The following CCDC88B variants were observed in gnomAD, a reference collection of about 807,000 sequenced individuals.
CCDC88B encodes coiled-coil domain-containing protein 88B.
In CCDC88B, 138 loss-of-function variants were observed where a neutral mutation model predicts 183.7. That is an observed-to-expected ratio of 0.75 (90% confidence interval 0.65 to 0.87). CCDC88B has a LOEUF of 0.87. Ranked by LOEUF, CCDC88B falls within the 40% of genes least tolerant of loss-of-function variation. The pLI is 0.00. For synonymous variants in CCDC88B, 835 were observed against 867.5 expected (o/e 0.96, Z 0.66); for missense variants, 1,822 against 1,965.6 (o/e 0.93, Z 1.38).
rs371669967 is a variant in CCDC88B at position 64,345,132 on chromosome 11, G to A, written c.2591G>A (p.Arg864His). 3.9e-5 allele frequency: 60 copies of A among 1,546,310 alleles called. No homozygotes were observed. In the African/African-American group the frequency reaches 4.7e-4, roughly 12 times the overall value. ...CACTTGGAGGAGGCTGAGAGGGAGCGCCGGGAGAAGGAGGCCCTCCAGGCG... is the reference window on the plus strand; with the variant it reads ...CACTTGGAGGAGGCTGAGAGGGAGCACCGGGAGAAGGAGGCCCTCCAGGCG... ...RQHLEEAERERREKEALQAEL... is the reference protein window; with the variant it reads ...RQHLEEAEREHREKEALQAEL... Residue 864 changes from arginine to histidine, a missense_variant, in exon 14 of 27, where the codon CGC becomes CAC. By Grantham distance (29) the Arg-to-His change is conservative (BLOSUM62 0). Coordinates refer to ENST00000356786, the MANE Select transcript of CCDC88B (RefSeq NM_032251.6).
chr11:64,351,725 C>A, intron 18 of CCDC88B, 109 bp downstream of exon 18: 2 of 1,328,350 alleles, frequency 1.5e-6, no homozygotes, highest in South Asian at 1.5e-5. Context: ...GCTGCCCCAC[C>A]TCTTCCCCAG....
At chr11:64,349,905 A>G (rs2036264288) in intron 16 of CCDC88B, 1 of 575,434 alleles carries the variant, frequency 1.7e-6, no homozygotes, top group Non-Finnish European at 3.1e-6. Flanking sequence ...TCTGCTGTGG[A>G]TGACTGCTCC....
rs748561792 is a variant in CCDC88B at position 64,353,136 on chromosome 11, C to T, written c.3583C>T (p.Arg1195Trp). 1.8e-5 allele frequency: 28 copies of T among 1,599,482 alleles called. No individual in the cohort carries two copies. The highest frequency in any genetic ancestry group is 2.3e-5 in the East Asian group (1 of 44,192). Reference sequence around the variant, plus strand: ...CGGGGAGCTACGGGGCCGGCTGGCGCGGCTGGAGCTGGAGCGGGCACAGCT... The same window carrying T: ...CGGGGAGCTACGGGGCCGGCTGGCGTGGCTGGAGCTGGAGCGGGCACAGCT... ...ERGELRGRLA[R>W]LELERAQLEM... The change falls in exon 21 of 27, where the codon CGG becomes TGG. Residue 1195 changes from arginine (R) to tryptophan (W), a missense_variant. By Grantham distance (101) the Arg-to-Trp change is moderately radical. Transcript: ENST00000356786.
chr11:64,356,993 G>A, intron 26 of CCDC88B, 46 bp from the exon 27 acceptor site: 2 of 1,524,728 alleles, frequency 1.3e-6, no homozygotes, highest in South Asian at 1.3e-5. Flanking sequence ...GGGACTCTGG[G>A]AGTCCTCCTG....
chr11:64,352,391 G>T lies in CCDC88B; in HGVS notation c.3356+5G>T. The T allele has an allele frequency of 6.6e-7, 1 of 1,526,102 alleles. No individual in the cohort carries two copies. The allele number at this position is 1,526,102 out of a possible 1,614,324, so 94.5% of individuals were successfully genotyped here. A position where few individuals can be genotyped will look rare whatever the true frequency, so the allele number is the denominator to read the frequency against. ...CCACCGGGAGCTGCAGGGCCGGTGA[G>T]CATCACCAAATGCCCAGCTCCTCCC... On this transcript the variant is annotated splice_donor_5th_base_variant and intron_variant, in intron 19 of 26. Coordinates refer to ENST00000356786, the MANE Select transcript of CCDC88B (RefSeq NM_032251.6).
chr11:64,349,690 G>C (rs1303760256), intron 16 of CCDC88B, 22 bp downstream of exon 16: 1 of 1,564,852 alleles, frequency 6.4e-7, no homozygotes, highest in Admixed American at 1.9e-5. Flanking sequence ...CCGCCTGGGA[G>C]CTGGGGGCCA....
chr11:64,355,452 C>T, intron 25 of CCDC88B, 52 bp downstream of exon 25: 1 of 1,582,482 alleles, frequency 6.3e-7, no homozygotes, highest in Non-Finnish European at 8.6e-7. Context: ...TTTGTGGACC[C>T]ACCAGCTCCT....
chr11:64,354,108 C>A lies in CCDC88B; in HGVS notation c.4037C>A (p.Thr1346Asn). Residue 1346 changes from threonine (T) to asparagine (N), a missense_variant, in exon 24 of 27, where the codon ACC becomes AAC. Transcript: ENST00000356786. ...LRLGADGAGS[T>N]ESLGGPPETE... ...CTGGGGGCCGATGGGGCTGGCAGCA[C>A]CGAGAGCCTGGGGGGCCCCCCGGAG... The A allele has an allele frequency of 1.4e-6, 2 of 1,386,988 alleles. No individual in the cohort carries two copies. The highest frequency in any genetic ancestry group is 1.9e-6 in the Non-Finnish European group (2 of 1,063,932). The allele number at this position is 1,386,988 out of a possible 1,614,324, so 85.9% of individuals were successfully genotyped here.
intron 16 of CCDC88B, 138 bp downstream of exon 16, chr11:64,349,806 C>T: frequency 1.2e-6 from 1 of 808,572 alleles, no homozygotes; most frequent in Non-Finnish European, 2.0e-6. Flanking sequence ...CATGTGGGGC[C>T]TGTTGGAGAG....
In CCDC88B at chr11:64,352,022, T is replaced by G. The variant is rs962364677; in HGVS notation, c.3100-108T>G. 70 of 1,441,120 alleles carry G rather than the reference T, an allele frequency of 4.9e-5. No individual in the cohort carries two copies. The African/African-American group carries it at 7.3e-4, about 15-fold the overall frequency. 89.3% of individuals were successfully genotyped at this position (1,441,120 alleles called of 1,614,324 possible). ...CCCAGCCCTTTGCCTCCTCCACAAC[T>G]CTCTCATTGTCTTGGGCCCTACCGT... On this transcript the variant is annotated intron_variant, in intron 18 of 26. Coordinates refer to ENST00000356786, the MANE Select transcript of CCDC88B (RefSeq NM_032251.6).
chr11:64,353,069 G>T lies in CCDC88B; in HGVS notation c.3516G>T (p.Leu1172=), dbSNP rs769069741. Residue 1172 remains leucine (L), a synonymous_variant, in exon 21 of 27, where the codon CTG becomes CTT. Transcript: ENST00000356786. ...QSEHDRAQML[L]AELSRERGEL... is the part of the protein sequence containing the mutation. ...GCCTCCCAAGGGCTCAGATGCTGCT[G>T]GCAGAGTTGTCTCGGGAGCGGGGTG... 1 of 1,604,168 alleles carries T rather than the reference G, an allele frequency of 6.2e-7. No individual in the cohort carries two copies. The highest frequency in any genetic ancestry group is 8.5e-7 in the Non-Finnish European group (1 of 1,176,012).
Position 64,357,365 on chromosome 11 carries a change from TCTGGGGGATCCCCCAGCTGAAGGAGG to T in CCDC88B, c.*276_*301del. ...GGTGGCTCCCGCTGAGGCAGCGGTC[TCTGGGGGATCCCCCAGCTGAAGGAGG>T]CTGGCAGGAGTTGGCAAGAGAACCC... On this transcript the variant is annotated 3_prime_UTR_variant, in exon 27 of 27. Coordinates refer to ENST00000356786, the MANE Select transcript of CCDC88B (RefSeq NM_032251.6). 1 of 717,656 alleles carries T rather than the reference TCTGGGGGATCCCCCAGCTGAAGGAGG, an allele frequency of 1.4e-6. No individual in the cohort carries two copies. Among genetic ancestry groups the T allele is most frequent in the Non-Finnish European group, 2.6e-6 (1 of 385,206 alleles). The allele number at this position is 717,656 out of a possible 1,614,324, so 44.5% of individuals were successfully genotyped here.
chr11:64,340,217 T>C lies in CCDC88B; in HGVS notation c.-50T>C. The C allele has an allele frequency of 8.4e-7, 1 of 1,185,640 alleles. No homozygotes were observed. Among genetic ancestry groups the C allele is most frequent in the Non-Finnish European group, 1.1e-6 (1 of 922,774 alleles). 73.4% of individuals were successfully genotyped at this position (1,185,640 alleles called of 1,614,324 possible). ...CCCCCACTCGGGGACTTCCTCTTCCTCTCAGGGCAGGTGCAGCTGCCACAG... is the reference window on the plus strand; with the variant it reads ...CCCCCACTCGGGGACTTCCTCTTCCCCTCAGGGCAGGTGCAGCTGCCACAG... On this transcript the variant is annotated 5_prime_UTR_variant, in exon 1 of 27. Coordinates refer to ENST00000356786, the MANE Select transcript of CCDC88B (RefSeq NM_032251.6).
rs1308620837 is a variant in CCDC88B, at chr11:64,344,556, T to G, written c.2015T>G (p.Leu672Arg). The G allele has an allele frequency of 6.2e-7, 1 of 1,605,298 alleles. No homozygotes were observed. ...EQEGPNQGLD[L>R]ATGQAEAREH... ...GAGGGCCCAAACCAGGGCCTGGACC[T>G]GGCCACGGGACAAGCAGAGGCCAGA... Residue 672 changes from leucine to arginine, a missense_variant, in exon 14 of 27, where the codon CTG becomes CGG. Leu to Arg is a moderately radical substitution (Grantham distance 102). Transcript: ENST00000356786. This position sits in a 1 kb window ranked among gnomAD's most constrained non-coding sequence, Gnocchi z 4.5.
intron 14 of CCDC88B, chr11:64,349,115 C>G (rs2135310083): frequency 1.4e-6 from 1 of 722,504 alleles, no homozygotes; most frequent in East Asian, 2.7e-5. Flanking sequence ...TTCCTCATGC[C>G]CTGCCAGGCT....
At position 64,353,507 on chromosome 11, in the gene CCDC88B, C is replaced by A. The variant is rs375807715; in HGVS notation, c.3833+11C>A. 13 of 1,608,294 alleles carry A rather than the reference C, an allele frequency of 8.1e-6. No individual in the cohort carries two copies. The highest frequency in any genetic ancestry group is 1.1e-5 in the South Asian group (1 of 90,796). On this transcript the variant is annotated intron_variant, in intron 22 of 26. Coordinates refer to ENST00000356786, the MANE Select transcript of CCDC88B (RefSeq NM_032251.6). The stretch of plus-strand genomic sequence containing the variant: ...ACAGCGGGAGTACCTGTGAGTGGGC[C>A]GCCTGGGAGCGGGGTGGGGCCTGCA...
intron 26 of CCDC88B, 199 bp from the exon 27 acceptor site, chr11:64,356,838 GGA>G (rs2036560999): frequency 5.5e-6 from 3 of 547,306 alleles, no homozygotes; most frequent in Non-Finnish European, 9.8e-6. Flanking sequence ...GACTTGGAGG[GGA>G]GAGTTTGTCG....
intron 16 of CCDC88B, chr11:64,349,994 C>G (rs1480479086): frequency 8.4e-6 from 3 of 356,032 alleles, no homozygotes; most frequent in East Asian, 1.1e-4. Flanking sequence ...GTTTCTGATA[C>G]CCAGGCTGTG....
At chr11:64,346,851 G>C (rs1378754066) in intron 14 of CCDC88B, among the ~76,000 whole-genome samples, 1 of 151,568 alleles carries the variant, frequency 6.6e-6, no homozygotes, top group Admixed American at 6.6e-5. Flanking sequence ...CACCAGGCTG[G>C]AGGCGTGATC....
Sources: gnomAD v4.1 joint callset for allele counts (sites outside exome capture counted in the v4.1 genomes callset) on GRCh38, gnomAD v4.1.1 for gene constraint, Gnocchi (gnomAD v3.1) non-coding constraint, MANE v1.5 for transcripts, NCBI Gene and HGNC (gene_info 2026-07-23, HGNC 2026-07-21) for gene names.